Variants in EPHA6 observed in about 807,000 individuals in gnomAD.
EPHA6 encodes the protein EPH receptor A6, also known as ephrin type-A receptor 6.
A neutral mutation model predicts 112.0 loss-of-function variants in EPHA6; 50 were observed. That is an observed-to-expected ratio of 0.45 (90% CI 0.36 to 0.56). The LOEUF is 0.56. Ranked by LOEUF, EPHA6 falls within the 20% of genes least tolerant of loss-of-function variation. EPHA6 has a pLI of 0.00. For missense variants in EPHA6, 1,280 were observed against 1,417.4 expected (o/e 0.90, Z 1.56); for synonymous variants, 529 against 490.7 (o/e 1.08, Z -1.03).
intron 3 of EPHA6, among the ~76,000 whole-genome samples, chr3:97,137,164 G>A (rs947326301): frequency 3.9e-5 from 6 of 152,138 alleles, no homozygotes; most frequent in Admixed American, 6.6e-5. Context: ...GGGGGGACAG[G>A]TAGCAAAGAC....
intron 5 of EPHA6, among the ~76,000 whole-genome samples, chr3:97,245,377 C>A (rs1046509284): frequency 6.6e-6 from 1 of 151,872 alleles, no homozygotes; most frequent in African/African-American, 2.4e-5. Flanking sequence ...TGAATTAGGA[C>A]CCACTCATAT....
chr3:97,473,552 CCT>C (rs2091287468), intron 7 of EPHA6, among the ~76,000 whole-genome samples: 2 of 151,696 alleles, frequency 1.3e-5, no homozygotes, highest in Non-Finnish European at 2.9e-5. Flanking sequence ...ACTATATGCC[CCT>C]GATTCAAAAT....
At chr3:97,351,006 T>C (rs868314536) in intron 5 of EPHA6, among the ~76,000 whole-genome samples, 5 of 152,142 alleles carry the variant, frequency 3.3e-5, no homozygotes, top group South Asian at 2.1e-4. Flanking sequence ...GCCTATTTGG[T>C]CTTCAACTTG....
chr3:97,328,882 T>G (rs1405630276), intron 5 of EPHA6, among the ~76,000 whole-genome samples: 1 of 152,088 alleles, frequency 6.6e-6, no homozygotes, highest in Non-Finnish European at 1.5e-5. Flanking sequence ...TTGTTACATA[T>G]GTATGCATGT....
At chr3:97,012,510 A>G (rs998730373) in intron 3 of EPHA6, among the ~76,000 whole-genome samples, 1 of 148,632 alleles carries the variant, frequency 6.7e-6, no homozygotes, top group African/African-American at 2.5e-5. Context: ...TCATATATAT[A>G]TGTATGTATA....
At chr3:96,827,166 A>G (rs1408099645) in intron 1 of EPHA6, among the ~76,000 whole-genome samples, 2 of 152,238 alleles carry the variant, frequency 1.3e-5, no homozygotes, top group Non-Finnish European at 2.9e-5. Context: ...GCATGTGTGC[A>G]CTGATCCTAA....
intron 16 of EPHA6, among the ~76,000 whole-genome samples, chr3:97,744,970 T>A (rs1478303428): frequency 1.3e-5 from 2 of 151,698 alleles, no homozygotes; most frequent in African/African-American, 4.8e-5. Context: ...TTTTCTAACA[T>A]GTGGTTTTAT....
At chr3:97,430,425 A>G (rs1429213449) in intron 6 of EPHA6, among the ~76,000 whole-genome samples, 1 of 152,130 alleles carries the variant, frequency 6.6e-6, no homozygotes, top group African/African-American at 2.4e-5. Context: ...TTCAAAAAAT[A>G]TAAAATATCT....
At chr3:97,507,321 A>C (rs1192937858) in intron 10 of EPHA6, among the ~76,000 whole-genome samples, 1 of 152,084 alleles carries the variant, frequency 6.6e-6, no homozygotes, top group African/African-American at 2.4e-5. Context: ...AGCTCTTATT[A>C]TTTTGAGATA....
intron 5 of EPHA6, among the ~76,000 whole-genome samples, chr3:97,323,092 T>A (rs1173847950): frequency 6.6e-6 from 1 of 151,944 alleles, no homozygotes. Flanking sequence ...TTGAACAAAA[T>A]ACTCTACACC....
chr3:97,536,908 G>C lies in EPHA6; in HGVS notation c.2386+4365G>C, dbSNP rs1156983532. Among the ~76,000 whole-genome samples, 3 of 152,122 alleles carry C rather than the reference G, an allele frequency of 2.0e-5. No homozygotes were observed. In the East Asian group the frequency reaches 5.8e-4, roughly 29 times the overall value. On this transcript the variant is annotated intron_variant, in intron 11 of 17. Coordinates refer to ENST00000389672, the MANE Select transcript of EPHA6 (RefSeq NM_001080448.3). ...TAAATTAGACTAGAAAACATTAAAG[G>C]TCACATTTACCTTTAATATTTTGTG... is the stretch of plus-strand genomic sequence containing the variant.
chr3:97,310,147 T>A (rs192655050), intron 5 of EPHA6, among the ~76,000 whole-genome samples: 2 of 151,490 alleles, frequency 1.3e-5, no homozygotes, highest in Non-Finnish European at 3.0e-5. Flanking sequence ...CCCCCACAAC[T>A]CCTCTCTTTC....
intron 5 of EPHA6, among the ~76,000 whole-genome samples, chr3:97,258,412 C>T (rs2079389441): frequency 6.6e-6 from 1 of 152,048 alleles, no homozygotes; most frequent in South Asian, 2.1e-4. Context: ...AATAAGCATT[C>T]TGTTTATAGA....
At chr3:96,938,680 T>A (rs1038464360) in intron 2 of EPHA6, among the ~76,000 whole-genome samples, 1 of 151,814 alleles carries the variant, frequency 6.6e-6, no homozygotes, top group Non-Finnish European at 1.5e-5. Flanking sequence ...CATCCCTGTC[T>A]TGTGCCAGTT....
chr3:97,424,806 CAAAA>C (rs60277455), intron 6 of EPHA6, among the ~76,000 whole-genome samples: 2 of 52,076 alleles, frequency 3.8e-5, no homozygotes, highest in Non-Finnish European at 8.8e-5. Context: ...AACTCTGTCT[CAAAA>C]AAAAAAAAAA....
chr3:97,316,923 A>C (rs1019663332), intron 5 of EPHA6, among the ~76,000 whole-genome samples: 1 of 151,868 alleles, frequency 6.6e-6, no homozygotes, highest in South Asian at 2.1e-4. Flanking sequence ...AAAATTTTGT[A>C]AACTTTTTGG....
intron 6 of EPHA6, among the ~76,000 whole-genome samples, chr3:97,419,635 A>T (rs937356424): frequency 7.9e-5 from 12 of 152,162 alleles, no homozygotes; most frequent in Non-Finnish European, 1.3e-4. Flanking sequence ...ACACACACAC[A>T]CACACACAAG....
At chr3:97,491,855 G>A (rs557304266) in intron 10 of EPHA6, among the ~76,000 whole-genome samples, 1 of 151,938 alleles carries the variant, frequency 6.6e-6, no homozygotes, top group African/African-American at 2.4e-5. Context: ...CAAGCAGAGA[G>A]CAAGAGTTGT....
chr3:97,498,330 C>CAAAAAGAA (rs1491392481), intron 10 of EPHA6, among the ~76,000 whole-genome samples: 4 of 58,496 alleles, frequency 6.8e-5, no homozygotes, highest in Non-Finnish European at 1.9e-4. Context: ...AAGAAAATAG[C>CAAAAAGAA]AAAAAAAAAA....
Sources: allele counts gnomAD v4.1 joint callset (sites outside exome capture counted in the v4.1 genomes callset), GRCh38; gene constraint gnomAD v4.1.1; transcripts MANE v1.5; gene names NCBI Gene and HGNC (gene_info 2026-07-23, HGNC 2026-07-21).